The following KLHL28 variants were observed in gnomAD, a reference collection of about 807,000 sequenced individuals.
The protein encoded by KLHL28 is kelch-like protein 28.
A neutral mutation model predicts 48.3 loss-of-function variants in KLHL28; 22 were observed. That is an observed-to-expected ratio of 0.46 (90% CI 0.33 to 0.65). The LOEUF (loss-of-function observed/expected upper bound fraction) is 0.65, where lower values mean the gene tolerates loss of function less well. Among genes scored for constraint, KLHL28 ranks in the 30% least tolerant of loss-of-function variants. The pLI is 0.03. For synonymous variants in KLHL28, 243 were observed against 242.4 expected, an observed-to-expected ratio of 1.00 and a Z score of -0.02; for missense variants, 527 against 704.3, an observed-to-expected ratio of 0.75 and a Z score of 2.85.
chr14:44,936,779 G>A (rs1274182132), intron 2 of KLHL28, among the ~76,000 whole-genome samples: 2 of 152,162 alleles, frequency 1.3e-5, no homozygotes, highest in Admixed American at 1.3e-4. Flanking sequence ...GGGCCATGGC[G>A]TATTTAAAGG....
In KLHL28 at chr14:44,925,704, C is replaced by T. The variant is rs1213670773; in HGVS notation, c.*3324G>A. ...AAATTATCAAAATAAAATTTCAAAA[C>T]CTAATGCCATTTTCCTATCACTTGA... On this transcript the variant is annotated 3_prime_UTR_variant, in exon 5 of 5. Transcript: ENST00000396128. The T allele has an allele frequency of 6.6e-6, 1 of 152,048 alleles. No individual in the cohort carries two copies. The highest frequency in any genetic ancestry group is 1.5e-5 in the Non-Finnish European group (1 of 67,946). 9.4% of individuals were successfully genotyped at this position (152,048 alleles called of 1,614,324 possible).
intron 1 of KLHL28, among the ~76,000 whole-genome samples, chr14:44,960,418 G>A (rs1884988605): frequency 6.6e-6 from 1 of 152,120 alleles, no homozygotes; most frequent in Non-Finnish European, 1.5e-5. Context: ...GTTTGAACTG[G>A]GTTCCTCAAG....
At chr14:44,951,615 C>A (rs1884584665) in intron 1 of KLHL28, among the ~76,000 whole-genome samples, 1 of 152,108 alleles carries the variant, frequency 6.6e-6, no homozygotes, top group South Asian at 2.1e-4. Context: ...AAAGAAAAGG[C>A]ACTGGTAAAA....
chr14:44,961,241 A>T (rs573712791), intron 1 of KLHL28: 2 of 224,704 alleles, frequency 8.9e-6, no homozygotes, highest in African/African-American at 4.6e-5. Flanking sequence ...CTCTGTCTCT[A>T]GGAGACTGAA....
chr14:44,956,747 T>G (rs1396236887), intron 1 of KLHL28, among the ~76,000 whole-genome samples: 1 of 152,226 alleles, frequency 6.6e-6, no homozygotes, highest in Non-Finnish European at 1.5e-5. Context: ...AGTTGGAAAT[T>G]TACACACTGA....
chr14:44,947,041 C>T (rs1323087499), intron 1 of KLHL28, among the ~76,000 whole-genome samples: 3 of 152,098 alleles, frequency 2.0e-5, no homozygotes, highest in African/African-American at 7.2e-5. Flanking sequence ...CATCCCTATC[C>T]CTGGAATCTG....
intron 2 of KLHL28, among the ~76,000 whole-genome samples, chr14:44,938,386 T>G (rs2138604737): frequency 6.6e-6 from 1 of 152,230 alleles, no homozygotes; most frequent in East Asian, 1.9e-4. Context: ...TCTTTTTTTT[T>G]TTTGAGACTG....
At chr14:44,929,815 G>C (rs988969813) in intron 4 of KLHL28, among the ~76,000 whole-genome samples, 1 of 152,148 alleles carries the variant, frequency 6.6e-6, no homozygotes, top group Non-Finnish European at 1.5e-5. Flanking sequence ...ACCCTGTCTA[G>C]ACACTGAAAT....
rs1566572898 is a variant in KLHL28 at position 44,945,921 on chromosome 14, T to C, written c.8A>G (p.His3Arg). 6.2e-7 allele frequency: 1 copy of C among 1,610,848 alleles called. No homozygotes were observed. The highest frequency in any genetic ancestry group is 8.5e-7 in the Non-Finnish European group (1 of 1,177,272). Reference sequence around the variant, plus strand: ...AGCAAGCATGTAGGTCGGGGATGTGTGGTCCATCTACAGAAAAATAAAAAA... The same window carrying C: ...AGCAAGCATGTAGGTCGGGGATGTGCGGTCCATCTACAGAAAAATAAAAAA... MD[H>R]TSPTYMLANL... is the part of the protein sequence containing the mutation. Residue 3 changes from histidine to arginine, a missense_variant, in exon 2 of 5, where the codon CAC (histidine) becomes CGC (arginine). His to Arg is a conservative substitution (Grantham distance 29). Transcript: ENST00000396128.
chr14:44,957,328 A>T (rs1374707117), intron 1 of KLHL28, among the ~76,000 whole-genome samples: 1 of 152,322 alleles, frequency 6.6e-6, no homozygotes, highest in East Asian at 1.9e-4. Context: ...TTCTTAAAAA[A>T]CAGAAAATAT....
chr14:44,931,267 T>C (rs1489206958), intron 4 of KLHL28, 66 bp downstream of exon 4: 1 of 1,008,236 alleles, frequency 9.9e-7, no homozygotes, highest in East Asian at 2.5e-5. Context: ...AAGGAACTAT[T>C]ATTGCAAGCA....
chr14:44,936,560 A>G (rs576655324), intron 2 of KLHL28, among the ~76,000 whole-genome samples: 1 of 152,164 alleles, frequency 6.6e-6, no homozygotes. Flanking sequence ...TTAAGAGAGC[A>G]GAAGGTGTCA....
intron 1 of KLHL28, chr14:44,961,640 A>AAGC (rs1885108773): frequency 6.6e-6 from 1 of 152,156 alleles, no homozygotes; most frequent in Admixed American, 6.5e-5. Flanking sequence ...CTGTCCTGAT[A>AAGC]AGCAGATGGC....
At chr14:44,940,578 T>C (rs1022894146) in intron 2 of KLHL28, among the ~76,000 whole-genome samples, 5 of 152,184 alleles carry the variant, frequency 3.3e-5, no homozygotes, top group South Asian at 2.1e-4. Context: ...CTTTCTTCTC[T>C]AGCAGGCCTC....
intron 2 of KLHL28, among the ~76,000 whole-genome samples, chr14:44,942,213 A>G (rs542747094): frequency 1.3e-3 from 203 of 152,166 alleles, no homozygotes; most frequent in Non-Finnish European, 2.5e-3. Flanking sequence ...ATCTAATCAA[A>G]AGAACTCATT....
intron 1 of KLHL28, among the ~76,000 whole-genome samples, chr14:44,951,442 CT>C (rs2138653156): frequency 6.6e-6 from 1 of 152,296 alleles, no homozygotes; most frequent in African/African-American, 2.4e-5. Flanking sequence ...ACTTATGCCC[CT>C]ATAATACTGC....
intron 2 of KLHL28, among the ~76,000 whole-genome samples, chr14:44,940,467 C>T (rs1408361508): frequency 6.6e-6 from 1 of 152,174 alleles, no homozygotes; most frequent in African/African-American, 2.4e-5. Context: ...TCAAAAAATG[C>T]TTTCAATGTA....
At chr14:44,940,762 T>G (rs1011761729) in intron 2 of KLHL28, among the ~76,000 whole-genome samples, 2 of 152,340 alleles carry the variant, frequency 1.3e-5, no homozygotes, top group South Asian at 4.1e-4. Context: ...TTCTATTTCC[T>G]CTAAGATCTT....
chr14:44,946,986 T>TA (rs1161153602), intron 1 of KLHL28, among the ~76,000 whole-genome samples: 1 of 152,060 alleles, frequency 6.6e-6, no homozygotes, highest in Non-Finnish European at 1.5e-5. Context: ...GGAGAGACAA[T>TA]AAAGACTATG....
Sources: allele counts gnomAD v4.1 joint callset (sites outside exome capture counted in the v4.1 genomes callset), GRCh38; gene constraint gnomAD v4.1.1; transcripts MANE v1.5; gene names NCBI Gene and HGNC (gene_info 2026-07-23, HGNC 2026-07-21).